ZNF521: variants seen among roughly 807,000 people sequenced by gnomAD.
ZNF521 encodes zinc finger protein 521, also known as LYST-interacting protein 3.
ZNF521 carries 14 observed loss-of-function variants against 105.5 expected under a neutral mutation model. The ratio of observed to expected loss-of-function variants is 0.13; its 90% CI spans 0.09 to 0.21. The LOEUF (loss-of-function observed/expected upper bound fraction) is 0.21. Ranked by LOEUF, ZNF521 falls within the 10% of genes least tolerant of loss-of-function variation. ZNF521 has a pLI of 1.00. For missense variants in ZNF521, 1,233 were observed against 1,629.7 expected, an observed-to-expected ratio of 0.76 and a Z score of 4.19; for synonymous variants, 635 against 606.0, an observed-to-expected ratio of 1.05 and a Z score of -0.70.
At chr18:25,139,158 T>C (rs8097098) in intron 5 of ZNF521, among the ~76,000 whole-genome samples, 101,748 of 151,152 alleles carry the variant, frequency 0.67, 34,683 homozygotes, top group African/African-American at 0.78. Context: ...ATGATGAAGT[T>C]GGGATTTCAA....
Position 25,079,656 on chromosome 18 carries a change from G to C in ZNF521, c.3906+9809C>G, listed in dbSNP as rs1199954618. Among the ~76,000 whole-genome samples the C allele has an allele frequency of 2.7e-5, 4 of 145,498 alleles. No individual in the cohort carries two copies. The East Asian group carries it at 5.8e-4, about 21-fold the overall frequency. ...GAAAGAGAGAAGACAGCTAGGAAGT[G>C]AGCGCACAGATGGTGGGGGGGACGC... On this transcript the variant is annotated intron_variant, in intron 7 of 7. Coordinates refer to ENST00000361524, the MANE Select transcript of ZNF521 (RefSeq NM_015461.3).
At chr18:25,112,385 T>A (rs1285521241) in intron 5 of ZNF521, among the ~76,000 whole-genome samples, 2 of 152,126 alleles carry the variant, frequency 1.3e-5, no homozygotes, top group Non-Finnish European at 2.9e-5. Context: ...TAGAAAGGCG[T>A]ACCCCTGCCC....
At chr18:25,292,596 C>T (rs1369168579) in intron 3 of ZNF521, among the ~76,000 whole-genome samples, 1 of 152,040 alleles carries the variant, frequency 6.6e-6, no homozygotes, top group Non-Finnish European at 1.5e-5. Context: ...TGGCGTGTAT[C>T]ATTAAGAAAT....
intron 2 of ZNF521, among the ~76,000 whole-genome samples, chr18:25,342,507 A>T (rs80184075): frequency 5.9e-5 from 8 of 134,612 alleles, no homozygotes; most frequent in African/African-American, 2.2e-4. Flanking sequence ...TGGCTCACTG[A>T]AAGCTCCGCC....
intron 5 of ZNF521, among the ~76,000 whole-genome samples, chr18:25,162,186 TA>T (rs2035263406): frequency 6.6e-6 from 1 of 152,170 alleles, no homozygotes. Context: ...TGTTCAATGT[TA>T]CAAATAGTCG....
At chr18:25,185,264 T>C (rs192234306) in intron 5 of ZNF521, among the ~76,000 whole-genome samples, 2 of 152,284 alleles carry the variant, frequency 1.3e-5, no homozygotes, top group Admixed American at 6.5e-5. Flanking sequence ...GTAAATTTGT[T>C]CTTTTAAGAA....
At chr18:25,284,392 C>T (rs893471893) in intron 3 of ZNF521, among the ~76,000 whole-genome samples, 5 of 151,954 alleles carry the variant, frequency 3.3e-5, no homozygotes, top group African/African-American at 1.2e-4. Flanking sequence ...CTGAAGCTTG[C>T]AGATCTACTC....
chr18:25,113,213 C>T (rs577175933), intron 5 of ZNF521, among the ~76,000 whole-genome samples: 11 of 152,202 alleles, frequency 7.2e-5, no homozygotes, highest in African/African-American at 2.6e-4. Context: ...CCGATGCTTC[C>T]CAAGTTTTCC....
intron 3 of ZNF521, among the ~76,000 whole-genome samples, chr18:25,252,455 A>G (rs962117428): frequency 2.6e-5 from 4 of 152,132 alleles, no homozygotes; most frequent in African/African-American, 7.2e-5. Flanking sequence ...ATTCATAAAC[A>G]CTATGCACAT....
At chr18:25,201,248 C>T (rs4284720) in intron 4 of ZNF521, 77,533 of 151,408 alleles carry the variant, frequency 0.51, 20,509 homozygotes, top group African/African-American at 0.66. Context: ...ACCGTGTCTT[C>T]CTTCCTACTC....
chr18:25,342,670 C>T (rs528864009), intron 2 of ZNF521, among the ~76,000 whole-genome samples: 26 of 152,054 alleles, frequency 1.7e-4, no homozygotes, highest in Non-Finnish European at 3.1e-4. Context: ...CCTCGTGATC[C>T]GCCCGCCTCG....
chr18:25,166,677 G>T (rs1042401609), intron 5 of ZNF521, among the ~76,000 whole-genome samples: 3 of 152,096 alleles, frequency 2.0e-5, no homozygotes, highest in African/African-American at 7.2e-5. Context: ...AGCTGCTTCT[G>T]CCTGCAATCC....
rs1025190058 is a variant in ZNF521 at position 25,318,763 on chromosome 18, G to T, written c.220+3245C>A. ...AAAATACACATATGTGCATATACTT[G>T]TATATGTGTGAATTTTATGAGCCAT... On this transcript the variant is annotated intron_variant, in intron 3 of 7. Transcript: ENST00000361524. Among the ~76,000 whole-genome samples, 12 of 152,000 alleles carry T rather than the reference G, an allele frequency of 7.9e-5. No homozygotes were observed. In the East Asian group the frequency reaches 2.3e-3, roughly 29 times the overall value.
intron 7 of ZNF521, among the ~76,000 whole-genome samples, chr18:25,083,026 T>A (rs1004513959): frequency 6.6e-5 from 10 of 152,044 alleles, no homozygotes; most frequent in Non-Finnish European, 1.5e-5. Flanking sequence ...GAGGAAAATA[T>A]GAAAAAATAA....
chr18:25,162,585 T>C (rs1485810193), intron 5 of ZNF521, among the ~76,000 whole-genome samples: 3 of 152,216 alleles, frequency 2.0e-5, no homozygotes, highest in Non-Finnish European at 4.4e-5. Context: ...TTAGAGATTG[T>C]AAAGCAAGTC....
chr18:25,236,082 T>C (rs1429829959), intron 3 of ZNF521, among the ~76,000 whole-genome samples: 1 of 152,148 alleles, frequency 6.6e-6, no homozygotes, highest in Non-Finnish European at 1.5e-5. Context: ...CTCACACAGG[T>C]TGTCAGGCTG....
chr18:25,090,675 G>A (rs2033724957), intron 6 of ZNF521, among the ~76,000 whole-genome samples: 2 of 152,128 alleles, frequency 1.3e-5, no homozygotes, highest in African/African-American at 2.4e-5. Flanking sequence ...ACATAGATTT[G>A]CAGCTAATCT....
intron 5 of ZNF521, among the ~76,000 whole-genome samples, chr18:25,193,583 T>C (rs558589522): frequency 6.6e-6 from 1 of 152,096 alleles, no homozygotes; most frequent in Admixed American, 6.6e-5. Context: ...ACATTTATCA[T>C]TTGGCAGGAA....
intron 5 of ZNF521, among the ~76,000 whole-genome samples, chr18:25,143,675 A>T (rs924842980): frequency 2.6e-5 from 4 of 152,144 alleles, no homozygotes; most frequent in Non-Finnish European, 4.4e-5. Flanking sequence ...ATACATTTCT[A>T]TTATTTAAAA....
Sources: gnomAD v4.1 joint callset for allele counts (sites outside exome capture counted in the v4.1 genomes callset) on GRCh38, gnomAD v4.1.1 for gene constraint, MANE v1.5 for transcripts, NCBI Gene and HGNC (gene_info 2026-07-23, HGNC 2026-07-21) for gene names.